Variants in PCDHGA4 observed in about 807,000 individuals in gnomAD.
PCDHGA4 encodes the protein protocadherin gamma subfamily A, 4.
In PCDHGA4, 38 loss-of-function variants were observed where a neutral mutation model predicts 54.6. The observed-to-expected ratio is 0.70, with a 90% confidence interval of 0.54 to 0.91. The LOEUF is 0.91. Among genes scored for constraint, PCDHGA4 ranks in the 40% least tolerant of loss-of-function variants. The pLI, the probability that PCDHGA4 is intolerant of heterozygous loss-of-function variation, is 0.00. For synonymous variants in PCDHGA4, 511 were observed against 512.9 expected, an observed-to-expected ratio of 1.00 and a Z score of 0.05; for missense variants, 1,298 against 1,220.9, an observed-to-expected ratio of 1.06 and a Z score of -0.94.
At position 141,406,382 on chromosome 5, in the gene PCDHGA4, G is replaced by A. The variant is rs189693155; in HGVS notation, c.2514+48761G>A. Reference sequence around the variant, plus strand: ...TTTGTAAGGGTAAACTGATAAAAAGGTAAATGTATTCTTCTTAGAGAAACA... The same window carrying A: ...TTTGTAAGGGTAAACTGATAAAAAGATAAATGTATTCTTCTTAGAGAAACA... On this transcript the variant is annotated intron_variant, in intron 1 of 3. Transcript: ENST00000571252. Among the ~76,000 whole-genome samples, 63 of 152,232 alleles carry A rather than the reference G, an allele frequency of 4.1e-4. 1 individual carries two copies. Among genetic ancestry groups the A allele is most frequent in the African/African-American group, 1.4e-3 (60 of 41,554 alleles).
Position 141,356,234 on chromosome 5 carries a change from C to A in PCDHGA4, c.1127C>A (p.Pro376Gln). The change falls in exon 1 of 4, where the codon CCA (proline) becomes CAA (glutamine). Residue 376 changes from proline to glutamine, a missense_variant. Transcript: ENST00000571252. The stretch of plus-strand genomic sequence containing the variant: ...GTTCTGGATGAAAATGACAACGCAC[C>A]AGAAGTCACAGTTACATCTCTCACC... ...VTVLDENDNA[P>Q]EVTVTSLTSS... 1.9e-6 allele frequency: 3 copies of A among 1,587,274 alleles called. No individual in the cohort carries two copies. The highest frequency in any genetic ancestry group is 1.1e-5 in the South Asian group (1 of 87,446).
At position 141,476,418 on chromosome 5, in the gene PCDHGA4, T is replaced by C. The variant is rs201255025; in HGVS notation, c.2515-18389T>C. On this transcript the variant is annotated intron_variant, in intron 1 of 3. Transcript: ENST00000571252. This position sits in a 1 kb window ranked among gnomAD's most constrained non-coding sequence, Gnocchi z 7.6. The stretch of plus-strand genomic sequence containing the variant: ...GATCGAGAGGAGCTGTGTGGGACAC[T>C]GCCCTCTTGCACTGTAACTCTGGAG... 6.2e-7 allele frequency: 1 copy of C among 1,614,122 alleles called. No individual in the cohort carries two copies. Among genetic ancestry groups the C allele is most frequent in the Non-Finnish European group, 8.5e-7 (1 of 1,180,002 alleles).
intron 1 of PCDHGA4, chr5:141,372,026 C>T (rs1469685060): frequency 6.2e-7 from 1 of 1,613,330 alleles, no homozygotes; most frequent in Non-Finnish European, 8.5e-7. Flanking sequence ...CGCTCAGCGC[C>T]AACGTGAGCC....
Position 141,485,342 on chromosome 5 carries a change from G to C in PCDHGA4, c.2515-9465G>C. 1.2e-6 allele frequency: 2 copies of C among 1,614,164 alleles called. No individual in the cohort carries two copies. Among genetic ancestry groups the C allele is most frequent in the Non-Finnish European group, 1.7e-6 (2 of 1,180,026 alleles). On this transcript the variant is annotated intron_variant, in intron 1 of 3. Coordinates refer to ENST00000571252, the MANE Select transcript of PCDHGA4 (RefSeq NM_018917.4). The surrounding 1 kb of genome is among the most constrained non-coding windows in gnomAD (Gnocchi z 5.7). The stretch of plus-strand genomic sequence containing the variant: ...CGCTCAAGATTTCCTGCTGGATACG[G>C]ACAGTCTGTCAGCTCGCAGGCTGCA...
At chr5:141,410,418 T>C (rs2095390746) in intron 1 of PCDHGA4, 26 of 1,614,052 alleles carry the variant, frequency 1.6e-5, no homozygotes, top group Non-Finnish European at 2.2e-5. Context: ...GGACCTGTAG[T>C]TCCCCCCAAC....
chr5:141,504,848 C>G (rs181277525), intron 2 of PCDHGA4, among the ~76,000 whole-genome samples: 1 of 152,236 alleles, frequency 6.6e-6, no homozygotes, highest in Non-Finnish European at 1.5e-5. Context: ...CTGGAACATT[C>G]TCTTCCATTT....
At chr5:141,360,924 A>G (rs1475518154) in intron 1 of PCDHGA4, 3 of 1,614,006 alleles carry the variant, frequency 1.9e-6, no homozygotes, top group South Asian at 2.2e-5. Flanking sequence ...TTGTGCTTCA[A>G]GTGACAGCCA....
chr5:141,415,062 G>C, intron 1 of PCDHGA4: 1 of 1,613,426 alleles, frequency 6.2e-7, no homozygotes, highest in Non-Finnish European at 8.5e-7. Context: ...ACACGGGCGA[G>C]GTGCGCACGG....
rs73265845 is a variant in PCDHGA4, at chr5:141,370,729, A to T, written c.2514+13108A>T. On this transcript the variant is annotated intron_variant, in intron 1 of 3. Coordinates refer to ENST00000571252, the MANE Select transcript of PCDHGA4 (RefSeq NM_018917.4). The stretch of plus-strand genomic sequence containing the variant: ...CTGGAATTTGAAATGGTTGCTGAAA[A>T]GCCTTTAAACTTTTTTCATGTAACT... The T allele has an allele frequency of 1.5e-3, 2,398 of 1,613,868 alleles. 32 individuals are homozygous for T. In the African/African-American group the frequency reaches 0.028, roughly 19 times the overall value.
At chr5:141,506,636 C>T (rs1421676205) in intron 3 of PCDHGA4, among the ~76,000 whole-genome samples, 2 of 152,020 alleles carry the variant, frequency 1.3e-5, no homozygotes, top group South Asian at 2.1e-4. Context: ...AATGCAAGTC[C>T]CTCAGCACAG....
At chr5:141,510,349 C>T (rs1461596705) in intron 3 of PCDHGA4, among the ~76,000 whole-genome samples, 1 of 148,468 alleles carries the variant, frequency 6.7e-6, no homozygotes, top group Non-Finnish European at 1.5e-5. Context: ...CACACACTTA[C>T]TAACGGAACT....
In PCDHGA4 at chr5:141,438,327, A is replaced by G. The variant is rs369043587; in HGVS notation, c.2515-56480A>G. 1.5e-4 allele frequency among the ~76,000 whole-genome samples: 23 copies of G among 152,106 alleles called. No homozygotes were observed. The East Asian group carries it at 4.1e-3, about 27-fold the overall frequency. ...TTGGTACCACCATAATTTTTCTTAT[A>G]CATGTCATATAAGGATCTACTCTGT... On this transcript the variant is annotated intron_variant, in intron 1 of 3. Transcript: ENST00000571252.
Position 141,355,736 on chromosome 5 carries a change from C to T in PCDHGA4, c.629C>T (p.Ser210Phe), listed in dbSNP as rs746630262. ...GYQLNSNGYF[S>F]LDVQSGADGI... Reference sequence around the variant, plus strand: ...CAGCTCAACTCAAACGGTTACTTTTCCCTGGACGTGCAAAGTGGGGCCGAT... The same window carrying T: ...CAGCTCAACTCAAACGGTTACTTTTTCCTGGACGTGCAAAGTGGGGCCGAT... The change falls in exon 1 of 4, where the codon TCC (serine) becomes TTC (phenylalanine). Residue 210 changes from serine (S) to phenylalanine (F), a missense_variant. Coordinates refer to ENST00000571252, the MANE Select transcript of PCDHGA4 (RefSeq NM_018917.4). 2 of 1,613,962 alleles carry T rather than the reference C, an allele frequency of 1.2e-6. No homozygotes were observed. The highest frequency in any genetic ancestry group is 1.7e-6 in the Non-Finnish European group (2 of 1,179,876).
intron 1 of PCDHGA4, chr5:141,372,871 G>A: frequency 7.4e-7 from 1 of 1,350,238 alleles, no homozygotes; most frequent in African/African-American, 1.5e-5. Context: ...TTGATTTAGA[G>A]ATAAAAAGAA....
At chr5:141,409,702 G>C (rs545411022) in intron 1 of PCDHGA4, 2 of 1,613,108 alleles carry the variant, frequency 1.2e-6, no homozygotes, top group African/African-American at 2.7e-5. Context: ...AGCCCCTGGC[G>C]GTGTCGTCAT....
intron 1 of PCDHGA4, chr5:141,404,513 G>A: frequency 1.2e-6 from 2 of 1,613,786 alleles, no homozygotes; most frequent in Non-Finnish European, 1.7e-6. Context: ...GTGCTCCTTT[G>A]ACTATGAGCA....
rs566838507 is a variant in PCDHGA4, at chr5:141,415,047, G to A, written c.2514+57426G>A. 5 of 1,613,392 alleles carry A rather than the reference G, an allele frequency of 3.1e-6. No homozygotes were observed. The African/African-American group carries it at 5.3e-5, about 17-fold the overall frequency. Reference sequence around the variant, plus strand: ...GCGAGCCGGGACTCTTCGCGGTGGGGGAGCACACGGGCGAGGTGCGCACGG... The same window carrying A: ...GCGAGCCGGGACTCTTCGCGGTGGGAGAGCACACGGGCGAGGTGCGCACGG... On this transcript the variant is annotated intron_variant, in intron 1 of 3. Coordinates refer to ENST00000571252, the MANE Select transcript of PCDHGA4 (RefSeq NM_018917.4).
intron 1 of PCDHGA4, chr5:141,372,153 C>T: frequency 6.2e-7 from 1 of 1,613,800 alleles, no homozygotes; most frequent in East Asian, 2.2e-5. Context: ...GCCTGGCTAC[C>T]TGGTGACCAA....
intron 1 of PCDHGA4, chr5:141,400,587 C>T: frequency 6.2e-7 from 1 of 1,606,696 alleles, no homozygotes; most frequent in South Asian, 1.1e-5. Flanking sequence ...TTACATGAAA[C>T]TATCGTACAT....
Sources: gnomAD v4.1 joint callset for allele counts (sites outside exome capture counted in the v4.1 genomes callset) on GRCh38, gnomAD v4.1.1 for gene constraint, Gnocchi (gnomAD v3.1) non-coding constraint, MANE v1.5 for transcripts, NCBI Gene and HGNC (gene_info 2026-07-23, HGNC 2026-07-21) for gene names.